The following CDC42BPB variants were observed in gnomAD, a reference collection of about 807,000 sequenced individuals.
The protein encoded by CDC42BPB is serine/threonine-protein kinase MRCK beta.
In CDC42BPB, 37 loss-of-function variants were observed where a neutral mutation model predicts 214.9. The observed-to-expected ratio is 0.17, with a 90% CI of 0.13 to 0.23. The LOEUF (loss-of-function observed/expected upper bound fraction) is 0.23, where lower values mean the gene tolerates loss of function less well. CDC42BPB is among the 10% of genes least tolerant of loss of function. CDC42BPB has a pLI of 1.00. For missense variants in CDC42BPB, 1,694 were observed against 2,227.0 expected (o/e 0.76, Z 4.82); for synonymous variants, 931 against 884.0 (o/e 1.05, Z -0.94).
intron 23 of CDC42BPB, among the ~76,000 whole-genome samples, chr14:102,953,718 G>A (rs568668694): frequency 7.2e-5 from 11 of 152,368 alleles, no homozygotes; most frequent in South Asian, 6.2e-4. Context: ...CAGTGGGGCC[G>A]CTGTGCTGGC....
At chr14:102,973,640 G>GGCCACCATGCCCTATGCACA (rs1893588867) in intron 12 of CDC42BPB, among the ~76,000 whole-genome samples, 1 of 146,082 alleles carries the variant, frequency 6.8e-6, no homozygotes, top group Non-Finnish European at 1.6e-5. Context: ...CCCTGTGGAC[G>GGCCACCATGCCCTATGCACA]GCCACCATGC....
At chr14:103,003,482 C>T (rs1412451166) in intron 4 of CDC42BPB, among the ~76,000 whole-genome samples, 2 of 152,208 alleles carry the variant, frequency 1.3e-5, no homozygotes, top group Non-Finnish European at 2.9e-5. Context: ...CACCTAAAAC[C>T]TGTCGAAAGG....
chr14:103,005,941 C>T lies in CDC42BPB; in HGVS notation c.352-1918G>A, dbSNP rs550833935. ...AGGCTGAGGCAGAGAATCGTTTGAA[C>T]GCAGGAGACCGAGGTCGCAGTGAGC... On this transcript the variant is annotated intron_variant, in intron 3 of 36. Transcript: ENST00000361246. Among the ~76,000 whole-genome samples the T allele has an allele frequency of 1.3e-4, 19 of 149,008 alleles. 1 individual carries two copies. Among genetic ancestry groups the T allele is most frequent in the South Asian group, 6.3e-4 (3 of 4,762 alleles).
intron 11 of CDC42BPB, chr14:102,974,354 TG>T: frequency 1.0e-6 from 1 of 983,974 alleles, no homozygotes; most frequent in Non-Finnish European, 1.2e-6. Context: ...ATGCCTGTGC[TG>T]AACAGGCTCC....
intron 1 of CDC42BPB, among the ~76,000 whole-genome samples, chr14:103,021,915 T>TC (rs1336953690): frequency 5.9e-5 from 9 of 152,084 alleles, no homozygotes; most frequent in Non-Finnish European, 5.9e-5. Context: ...AGGTTGACAC[T>TC]CGCACAGAGC....
At chr14:102,962,716 G>A (rs6575936) in intron 20 of CDC42BPB, among the ~76,000 whole-genome samples, 8,416 of 152,210 alleles carry the variant, frequency 0.055, 758 homozygotes, top group African/African-American at 0.19. Context: ...CAGGGGTGGT[G>A]GTGGTGTGCA....
intron 3 of CDC42BPB, among the ~76,000 whole-genome samples, chr14:103,007,530 CAAG>C (rs1049673140): frequency 2.0e-5 from 3 of 152,154 alleles, no homozygotes; most frequent in Admixed American, 6.5e-5. Flanking sequence ...TCTAGAAACC[CAAG>C]AAGGACTTCC....
At chr14:103,000,182 C>A (rs1434945652) in intron 4 of CDC42BPB, among the ~76,000 whole-genome samples, 1 of 152,166 alleles carries the variant, frequency 6.6e-6, no homozygotes, top group African/African-American at 2.4e-5. Context: ...ATAAAAGAGC[C>A]GAAAGATAAT....
intron 1 of CDC42BPB, among the ~76,000 whole-genome samples, chr14:103,031,352 T>G (rs992206564): frequency 5.9e-5 from 9 of 152,180 alleles, no homozygotes; most frequent in Non-Finnish European, 1.2e-4. Context: ...TTTCACCAGA[T>G]GCCTAGAGAT....
Position 103,002,031 on chromosome 14 carries a change from G to C in CDC42BPB, c.447+1897C>G, listed in dbSNP as rs181153131. Among the ~76,000 whole-genome samples the C allele has an allele frequency of 1.8e-4, 27 of 152,324 alleles. No homozygotes were observed. The East Asian group carries it at 5.0e-3, about 28-fold the overall frequency. ...GAGTTAAGCCAGTAAGTTTTAGTTA[G>C]CAGTCAAACAGGTTTAATTTTGATA... On this transcript the variant is annotated intron_variant, in intron 4 of 36. Transcript: ENST00000361246.
intron 1 of CDC42BPB, among the ~76,000 whole-genome samples, chr14:103,046,826 G>C (rs775209012): frequency 6.6e-6 from 1 of 151,722 alleles, no homozygotes; most frequent in Non-Finnish European, 1.5e-5. Context: ...GCTAGTTTTT[G>C]TATTTTTAGT....
At chr14:102,984,284 A>T (rs1179954751) in intron 6 of CDC42BPB, among the ~76,000 whole-genome samples, 1 of 152,118 alleles carries the variant, frequency 6.6e-6, no homozygotes, top group African/African-American at 2.4e-5. Flanking sequence ...TCTGATTTTC[A>T]TGTGCAGCAC....
Position 103,057,230 on chromosome 14 carries a change from C to A in CDC42BPB, c.-57G>T, listed in dbSNP as rs1889038819. 3 of 1,243,458 alleles carry A rather than the reference C, an allele frequency of 2.4e-6. No homozygotes were observed. Among genetic ancestry groups the A allele is most frequent in the African/African-American group, 1.6e-5 (1 of 63,782 alleles). 77.0% of individuals were successfully genotyped at this position (1,243,458 alleles called of 1,614,324 possible). A position where few individuals can be genotyped will look rare whatever the true frequency, so the allele number is the denominator to read the frequency against. ...CCTCTCACCGCCGGCTCGGCCAGTC[C>A]GTCAGGGCGCGCCCTCGGGGGCTCG... On this transcript the variant is annotated 5_prime_UTR_variant, in exon 1 of 37. Transcript: ENST00000361246.
rs1894991144 is a variant in CDC42BPB at position 103,001,684 on chromosome 14, A to C, written c.448-1971T>G. Among the ~76,000 whole-genome samples the C allele has an allele frequency of 6.6e-6, 1 of 152,186 alleles. No individual in the cohort carries two copies. The highest frequency in any genetic ancestry group is 2.4e-5 in the African/African-American group (1 of 41,446). On this transcript the variant is annotated intron_variant, in intron 4 of 36. Coordinates refer to ENST00000361246, the MANE Select transcript of CDC42BPB (RefSeq NM_006035.4). This position sits in a 1 kb window ranked among gnomAD's most constrained non-coding sequence, Gnocchi z 5.8. ...GGGGCGGTGGATGCACACTGCAGGC[A>C]TTCCAGAGGGAGCGGCCCCGGCAGC...
chr14:103,030,533 T>C (rs1184931206), intron 1 of CDC42BPB, among the ~76,000 whole-genome samples: 2 of 151,692 alleles, frequency 1.3e-5, no homozygotes, highest in Non-Finnish European at 2.9e-5. Flanking sequence ...CCATCTCTGC[T>C]AAAAATATAA....
chr14:102,977,195 C>G (rs1165745832), intron 9 of CDC42BPB, among the ~76,000 whole-genome samples: 1 of 151,944 alleles, frequency 6.6e-6, no homozygotes. Context: ...AAAAATTAGT[C>G]GGGCGTGGTG....
intron 1 of CDC42BPB, among the ~76,000 whole-genome samples, chr14:103,034,792 T>C (rs1595173891): frequency 7.3e-6 from 1 of 136,594 alleles, no homozygotes; most frequent in African/African-American, 2.8e-5. Context: ...CGCTCCAGCC[T>C]GGGCGACAGA....
intron 3 of CDC42BPB, among the ~76,000 whole-genome samples, chr14:103,007,533 G>C (rs1397630814): frequency 6.6e-6 from 1 of 152,214 alleles, no homozygotes; most frequent in African/African-American, 2.4e-5. Context: ...AGAAACCCAA[G>C]AAGGACTTCC....
chr14:103,020,279 T>C (rs1886693806), intron 1 of CDC42BPB, among the ~76,000 whole-genome samples: 1 of 152,210 alleles, frequency 6.6e-6, no homozygotes, highest in Non-Finnish European at 1.5e-5. Flanking sequence ...CCAAGCAACA[T>C]GCAGAGGACA....
Sources: gnomAD v4.1 joint callset for allele counts (sites outside exome capture counted in the v4.1 genomes callset) on GRCh38, gnomAD v4.1.1 for gene constraint, Gnocchi (gnomAD v3.1) non-coding constraint, MANE v1.5 for transcripts, NCBI Gene and HGNC (gene_info 2026-07-23, HGNC 2026-07-21) for gene names.